POC1A: variants seen among roughly 807,000 people sequenced by gnomAD.
POC1A encodes the protein POC1 centriolar protein A.
In POC1A, 34 loss-of-function variants were observed where a neutral mutation model predicts 47.8. The ratio of observed to expected loss-of-function variants is 0.71; its 90% CI spans 0.54 to 0.95. The LOEUF (loss-of-function observed/expected upper bound fraction) is 0.95. Ranked by LOEUF, POC1A falls within the 40% of genes least tolerant of loss-of-function variation. The pLI is 0.00. For missense variants in POC1A, 466 were observed against 528.3 expected (o/e 0.88, Z 1.16); for synonymous variants, 177 against 207.6 (o/e 0.85, Z 1.27).
intron 9 of POC1A, among the ~76,000 whole-genome samples, chr3:52,108,387 C>T (rs1163042320): frequency 6.6e-6 from 1 of 152,194 alleles, no homozygotes; most frequent in Non-Finnish European, 1.5e-5. Flanking sequence ...CTCTGGGAGA[C>T]GCCACAGCTC....
rs756787244 is a variant in POC1A at position 52,096,675 on chromosome 3, C to CAGAGA, written c.1018_1019insTCTCT (p.Arg340IlefsTer16). ...CTGGCTCTGCACAGACTCCACACTC[C>CAGAGA]TGCCTCTGCCTGGGGGGACAGGGAA... On this transcript the variant is annotated frameshift_variant, in exon 10 of 11. Coordinates refer to ENST00000296484, the MANE Select transcript of POC1A (RefSeq NM_015426.5). LOFTEE classifies it high-confidence loss of function. 6.2e-7 allele frequency: 1 copy of CAGAGA among 1,606,944 alleles called. No homozygotes were observed. Among genetic ancestry groups the CAGAGA allele is most frequent in the Non-Finnish European group, 8.5e-7 (1 of 1,177,302 alleles).
chr3:52,076,097 T>C, intron 10 of POC1A, 112 bp from the exon 11 acceptor site: 1 of 760,200 alleles, frequency 1.3e-6, no homozygotes, highest in South Asian at 1.4e-5. Context: ...AAATGCCAGC[T>C]GGCTCTTTCC....
intron 9 of POC1A, among the ~76,000 whole-genome samples, chr3:52,105,042 G>A (rs761054607): frequency 6.6e-6 from 1 of 152,234 alleles, no homozygotes; most frequent in African/African-American, 2.4e-5. Flanking sequence ...TGTCCAGCCC[G>A]CTCCTGAAAC....
chr3:52,144,690 A>T (rs1170236043), intron 6 of POC1A, among the ~76,000 whole-genome samples: 2 of 152,170 alleles, frequency 1.3e-5, no homozygotes, highest in Non-Finnish European at 2.9e-5. Context: ...ACAGAGTCAA[A>T]TGACCTGCCC....
At chr3:52,102,948 G>T (rs1356889579) in intron 9 of POC1A, among the ~76,000 whole-genome samples, 2 of 152,208 alleles carry the variant, frequency 1.3e-5, no homozygotes, top group African/African-American at 4.8e-5. Context: ...CACACTACAT[G>T]ATTTCAAGAC....
At position 52,123,461 on chromosome 3, in the gene POC1A, C is replaced by G. The variant is rs72955250; in HGVS notation, c.883-984G>C. Among the ~76,000 whole-genome samples, 346 of 152,324 alleles carry G rather than the reference C, an allele frequency of 2.3e-3. 1 individual carries two copies. The highest frequency in any genetic ancestry group is 8.2e-3 in the African/African-American group (339 of 41,570). ...ACCGTATCCACACAAGATGAACACT[C>G]CATATGCCCTGGACACCATCCCTGT... On this transcript the variant is annotated intron_variant, in intron 8 of 10. Coordinates refer to ENST00000296484, the MANE Select transcript of POC1A (RefSeq NM_015426.5).
At chr3:52,100,125 C>T (rs1348864995) in intron 9 of POC1A, among the ~76,000 whole-genome samples, 1 of 152,190 alleles carries the variant, frequency 6.6e-6, no homozygotes, top group Non-Finnish European at 1.5e-5. Flanking sequence ...TCCTCTGCTG[C>T]CTGCTTTTCA....
At chr3:52,147,425 TTTTG>T (rs960401575) in intron 4 of POC1A, among the ~76,000 whole-genome samples, 2 of 151,844 alleles carry the variant, frequency 1.3e-5, no homozygotes, top group African/African-American at 4.9e-5. Flanking sequence ...TGTGACTAAA[TTTTG>T]TTTTTGTTTT....
chr3:52,134,571 G>A (rs1704366741), intron 7 of POC1A, among the ~76,000 whole-genome samples: 2 of 152,226 alleles, frequency 1.3e-5, no homozygotes, highest in Admixed American at 1.3e-4. Flanking sequence ...GATGGAGGTT[G>A]CAGTGAGCTG....
intron 10 of POC1A, among the ~76,000 whole-genome samples, chr3:52,093,316 C>G (rs1702704862): frequency 6.6e-6 from 1 of 152,182 alleles, no homozygotes; most frequent in Non-Finnish European, 1.5e-5. Flanking sequence ...ACAGAGTGGG[C>G]TCAGTGAATG....
In POC1A at chr3:52,090,065, C is replaced by G. The variant is rs975020085; in HGVS notation, c.1125+6504G>C. Among the ~76,000 whole-genome samples the G allele has an allele frequency of 1.3e-5, 2 of 152,198 alleles. No homozygotes were observed. The highest frequency in any genetic ancestry group is 4.8e-5 in the African/African-American group (2 of 41,436). ...AATCCTTGGCCTTGTTGAGTTAGGA[C>G]AGCAAAACGCAATGACTTGAACACT... On this transcript the variant is annotated intron_variant, in intron 10 of 10. Transcript: ENST00000296484. The surrounding 1 kb of genome is among the most constrained non-coding windows in gnomAD (Gnocchi z 4.2).
At chr3:52,146,953 C>T (rs1381039818) in intron 5 of POC1A, 35 bp downstream of exon 5, 7 of 1,539,700 alleles carry the variant, frequency 4.5e-6, no homozygotes, top group Middle Eastern at 1.7e-4. Context: ...TGTGCTTGAG[C>T]GCCTACAGGT....
chr3:52,142,740 G>C (rs192822900), intron 6 of POC1A, among the ~76,000 whole-genome samples: 5 of 152,156 alleles, frequency 3.3e-5, no homozygotes, highest in African/African-American at 1.2e-4. Context: ...GACAGAAAGC[G>C]GATCAGGCAT....
intron 9 of POC1A, among the ~76,000 whole-genome samples, chr3:52,119,686 A>G (rs1703698004): frequency 6.6e-6 from 1 of 152,168 alleles, no homozygotes; most frequent in East Asian, 1.9e-4. Flanking sequence ...GTGGGCCACC[A>G]TGCCTGGCCT....
chr3:52,112,090 AAACAG>A (rs1229700989), intron 9 of POC1A, among the ~76,000 whole-genome samples: 1 of 152,202 alleles, frequency 6.6e-6, no homozygotes. Flanking sequence ...GTCTGGTTGT[AAACAG>A]AGCCTTGGTA....
intron 10 of POC1A, among the ~76,000 whole-genome samples, chr3:52,077,100 C>T (rs540352259): frequency 1.3e-5 from 2 of 152,378 alleles, no homozygotes; most frequent in African/African-American, 4.8e-5. Context: ...CATTTCACTT[C>T]CCTCTTTAGG....
At chr3:52,149,149 C>T (rs1698468092) in intron 4 of POC1A, 61 bp downstream of exon 4, 3 of 1,508,216 alleles carry the variant, frequency 2.0e-6, no homozygotes, top group Non-Finnish European at 2.8e-6. Flanking sequence ...CCTAGCAGCC[C>T]CTGGGCCAGC....
intron 10 of POC1A, among the ~76,000 whole-genome samples, chr3:52,088,221 G>A (rs1178228256): frequency 2.0e-5 from 3 of 152,152 alleles, no homozygotes; most frequent in East Asian, 3.9e-4. Flanking sequence ...GAGGAAGAAG[G>A]GCACAAGCCA....
chr3:52,107,773 G>T (rs1703239081), intron 9 of POC1A, among the ~76,000 whole-genome samples: 1 of 152,220 alleles, frequency 6.6e-6, no homozygotes, highest in African/African-American at 2.4e-5. Context: ...AAATAGTACA[G>T]AGAATTTCCA....
Sources: gnomAD v4.1 joint callset for allele counts (sites outside exome capture counted in the v4.1 genomes callset) on GRCh38, gnomAD v4.1.1 for gene constraint, Gnocchi (gnomAD v3.1) non-coding constraint, MANE v1.5 for transcripts, NCBI Gene and HGNC (gene_info 2026-07-23, HGNC 2026-07-21) for gene names.